The following PKP4 variants were observed in gnomAD, a reference collection of about 807,000 sequenced individuals.
PKP4 encodes the protein plakophilin 4.
PKP4 carries 90 observed loss-of-function variants against 145.1 expected under a neutral mutation model. That is an observed-to-expected ratio of 0.62 (90% confidence interval 0.52 to 0.74). The LOEUF is 0.74. Among genes scored for constraint, PKP4 ranks in the 30% least tolerant of loss-of-function variants. The pLI is 0.00. For missense variants in PKP4, 1,340 were observed against 1,482.7 expected (o/e 0.90, Z 1.58); for synonymous variants, 563 against 577.2 (o/e 0.98, Z 0.35).
intron 1 of PKP4, among the ~76,000 whole-genome samples, chr2:158,499,808 G>A (rs1696290166): frequency 6.6e-6 from 1 of 152,156 alleles, no homozygotes; most frequent in South Asian, 2.1e-4. Flanking sequence ...CCATAGATTT[G>A]TCTTAGACTT....
At chr2:158,608,249 A>G (rs2105863008) in intron 4 of PKP4, among the ~76,000 whole-genome samples, 1 of 152,318 alleles carries the variant, frequency 6.6e-6, no homozygotes, top group Non-Finnish European at 1.5e-5. Context: ...TTACGTGCTT[A>G]GTATTTTCCT....
intron 2 of PKP4, among the ~76,000 whole-genome samples, chr2:158,536,073 A>C (rs2044012165): frequency 6.6e-6 from 1 of 152,230 alleles, no homozygotes; most frequent in Non-Finnish European, 1.5e-5. Context: ...CTGCATAAGA[A>C]GAAAAGGCTC....
chr2:158,478,539 G>A (rs1574007182), intron 1 of PKP4, among the ~76,000 whole-genome samples: 1 of 152,148 alleles, frequency 6.6e-6, no homozygotes, highest in South Asian at 2.1e-4. Flanking sequence ...ATAGCTCATC[G>A]TTTTTTGTTA....
chr2:158,484,032 CTTTTTTTTTTTT>C lies in PKP4; in HGVS notation c.-6+26823_-6+26834del, dbSNP rs11289096. ...GCACAGTTGCACATTTTTTCTTTTT[CTTTTTTTTTTTT>C]TTTTTTTTGAGACGGAGTCTCGCTC... On this transcript the variant is annotated intron_variant, in intron 1 of 21. Coordinates refer to ENST00000389759, the MANE Select transcript of PKP4 (RefSeq NM_003628.6). Among the ~76,000 whole-genome samples, 3 of 95,950 alleles carry C rather than the reference CTTTTTTTTTTTT, an allele frequency of 3.1e-5. No homozygotes were observed. The Admixed American group carries it at 3.6e-4, about 11-fold the overall frequency. 62.9% of individuals were successfully genotyped at this position (95,950 alleles called of 152,430 possible).
At chr2:158,514,917 G>T (rs1199312411) in intron 1 of PKP4, among the ~76,000 whole-genome samples, 2 of 152,078 alleles carry the variant, frequency 1.3e-5, no homozygotes, top group Non-Finnish European at 1.5e-5. Context: ...CTCCAGCCTG[G>T]GTGACAGAGT....
chr2:158,550,114 G>T (rs2045465144), intron 2 of PKP4, among the ~76,000 whole-genome samples: 1 of 109,020 alleles, frequency 9.2e-6, no homozygotes, highest in Admixed American at 8.8e-5. Flanking sequence ...AGATCTCTCA[G>T]AATAAAACAT....
intron 2 of PKP4, among the ~76,000 whole-genome samples, chr2:158,546,603 C>G (rs769336585): frequency 1.3e-5 from 2 of 152,240 alleles, no homozygotes; most frequent in East Asian, 1.9e-4. Context: ...GTGTCAAATT[C>G]AAACTAATTT....
chr2:158,631,883 A>G lies in PKP4; in HGVS notation c.1284A>G (p.Pro428=). 6.2e-7 allele frequency: 1 copy of G among 1,614,168 alleles called. No homozygotes were observed. Among genetic ancestry groups the G allele is most frequent in the South Asian group, 1.1e-5 (1 of 91,088 alleles). Reference sequence around the variant, plus strand: ...ATTACAGCCCAGTGTACCGCAGCCCAAACCATGGAACTGTGGAGCTCCAAG... The same window carrying G: ...ATTACAGCCCAGTGTACCGCAGCCCGAACCATGGAACTGTGGAGCTCCAAG... The part of the protein sequence containing the change: ...RTYYSPVYRS[P]NHGTVELQGS... The change falls in exon 8 of 22, where the codon CCA becomes CCG. Residue 428 remains proline (P), a synonymous_variant. Coordinates refer to ENST00000389759, the MANE Select transcript of PKP4 (RefSeq NM_003628.6).
chr2:158,492,776 T>A (rs1695133567), intron 1 of PKP4, among the ~76,000 whole-genome samples: 1 of 152,238 alleles, frequency 6.6e-6, no homozygotes, highest in Non-Finnish European at 1.5e-5. Flanking sequence ...ATTTTCTTCT[T>A]CTTACAGAAG....
chr2:158,623,868 G>T (rs2052502432), intron 6 of PKP4, among the ~76,000 whole-genome samples: 1 of 152,156 alleles, frequency 6.6e-6, no homozygotes, highest in African/African-American at 2.4e-5. Flanking sequence ...TTATTTCTCA[G>T]TTGGCTCTCC....
intron 15 of PKP4, among the ~76,000 whole-genome samples, chr2:158,664,458 C>T (rs551259905): frequency 2.8e-4 from 42 of 152,320 alleles, no homozygotes; most frequent in African/African-American, 8.9e-4. Flanking sequence ...TTTTCAACCT[C>T]TAGTAATTTC....
At position 158,596,026 on chromosome 2, in the gene PKP4, CTT is replaced by C. The variant is rs11324166; in HGVS notation, c.246-7031_246-7030del. 2.8e-3 allele frequency among the ~76,000 whole-genome samples: 415 copies of C among 147,598 alleles called. 3 individuals carry two copies. Among genetic ancestry groups the C allele is most frequent in the Admixed American group, 2.9e-3 (43 of 14,834 alleles). ...AAATAAAATCACAAAATGAGTTTACCTTTTTTTTTTTTTTAACTTAGAAATAG... is the reference window on the plus strand; with the variant it reads ...AAATAAAATCACAAAATGAGTTTACCTTTTTTTTTTTTAACTTAGAAATAG... On this transcript the variant is annotated intron_variant, in intron 3 of 21. Transcript: ENST00000389759.
At chr2:158,661,144 T>A (rs1207498268) in intron 12 of PKP4, 189 bp from the exon 13 acceptor site, 1 of 510,204 alleles carries the variant, frequency 2.0e-6, no homozygotes, top group East Asian at 3.4e-5. Context: ...TTCCCTTCCA[T>A]GTGTGGATAA....
At chr2:158,570,783 G>T (rs1020870197) in intron 2 of PKP4, among the ~76,000 whole-genome samples, 2 of 152,100 alleles carry the variant, frequency 1.3e-5, no homozygotes, top group African/African-American at 4.8e-5. Context: ...GGATTTCAAT[G>T]ACTTCAATGC....
At chr2:158,560,901 C>T (rs1160801772) in intron 2 of PKP4, among the ~76,000 whole-genome samples, 1 of 152,144 alleles carries the variant, frequency 6.6e-6, no homozygotes, top group African/African-American at 2.4e-5. Context: ...TACCAAAATC[C>T]TATAATCCTT....
intron 1 of PKP4, among the ~76,000 whole-genome samples, chr2:158,491,401 C>T (rs1232417835): frequency 6.6e-6 from 1 of 152,134 alleles, no homozygotes; most frequent in Non-Finnish European, 1.5e-5. Flanking sequence ...GTGGTTCAGT[C>T]TGCCAGGTGT....
intron 4 of PKP4, among the ~76,000 whole-genome samples, chr2:158,613,074 C>T (rs1467943867): frequency 6.6e-6 from 1 of 152,152 alleles, no homozygotes; most frequent in African/African-American, 2.4e-5. Context: ...GGTTCCTACA[C>T]ACTGCTATAC....
intron 1 of PKP4, among the ~76,000 whole-genome samples, chr2:158,528,586 T>C (rs868625040): frequency 2.3e-4 from 30 of 130,010 alleles, no homozygotes; most frequent in African/African-American, 8.9e-4. Flanking sequence ...TGTATACATA[T>C]GTAACTAACC....
chr2:158,458,754 A>G (rs1422614936), intron 1 of PKP4, among the ~76,000 whole-genome samples: 1 of 152,198 alleles, frequency 6.6e-6, no homozygotes, highest in Non-Finnish European at 1.5e-5. Context: ...TACATAATGA[A>G]TAGAAACAGA....
Sources: allele counts gnomAD v4.1 joint callset (sites outside exome capture counted in the v4.1 genomes callset), GRCh38; gene constraint gnomAD v4.1.1; transcripts MANE v1.5; gene names NCBI Gene and HGNC (gene_info 2026-07-23, HGNC 2026-07-21).